The following KCNT2 variants were observed in gnomAD, a reference collection of about 807,000 sequenced individuals.
The protein encoded by KCNT2 is potassium sodium-activated channel subfamily T member 2, also known as potassium channel subfamily T member 2.
In KCNT2, 67 loss-of-function variants were observed where a neutral mutation model predicts 153.8. The ratio of observed to expected loss-of-function variants is 0.44; its 90% confidence interval spans 0.36 to 0.53. KCNT2 has a LOEUF of 0.53. Among genes scored for constraint, KCNT2 ranks in the 20% least tolerant of loss-of-function variants. KCNT2 has a pLI of 0.00. For missense variants in KCNT2, 975 were observed against 1,354.8 expected (o/e 0.72, Z 4.40); for synonymous variants, 500 against 458.8 (o/e 1.09, Z -1.15).
Position 196,436,342 on chromosome 1 carries a change from C to T in KCNT2, c.639-6585G>A, listed in dbSNP as rs573219642. Among the ~76,000 whole-genome samples, 405 of 151,512 alleles carry T rather than the reference C, an allele frequency of 2.7e-3. 3 individuals are homozygous for T. The highest frequency in any genetic ancestry group is 9.3e-3 in the African/African-American group (386 of 41,476). ...ACTATCTCTTCAAAAAGTAATTCAGCTAATTGTAGGAAGGAAGAGAAGAAA... is the reference window on the plus strand; with the variant it reads ...ACTATCTCTTCAAAAAGTAATTCAGTTAATTGTAGGAAGGAAGAGAAGAAA... On this transcript the variant is annotated intron_variant, in intron 8 of 27. Transcript: ENST00000294725.
chr1:196,599,016 A>G (rs1475517165), intron 1 of KCNT2, among the ~76,000 whole-genome samples: 1 of 152,242 alleles, frequency 6.6e-6, no homozygotes, highest in Admixed American at 6.5e-5. Flanking sequence ...GAAACAAAAT[A>G]CTGACAGCTT....
At chr1:196,306,418 C>T (rs1661638459) in intron 21 of KCNT2, among the ~76,000 whole-genome samples, 1 of 152,078 alleles carries the variant, frequency 6.6e-6, no homozygotes, top group Admixed American at 6.6e-5. Context: ...CTTCCATGTG[C>T]CCGAGTGCTT....
intron 26 of KCNT2, chr1:196,257,266 G>GT (rs1656598117): frequency 1.0e-6 from 1 of 984,906 alleles, no homozygotes; most frequent in Non-Finnish European, 1.2e-6. Flanking sequence ...TAATATGTGG[G>GT]TTTTTTCCTT....
At chr1:196,334,175 GTATA>G in intron 16 of KCNT2, 115 bp from the exon 17 acceptor site, 1 of 580,354 alleles carries the variant, frequency 1.7e-6, no homozygotes, top group Non-Finnish European at 3.0e-6. Context: ...TATAGAGAGA[GTATA>G]TATTTATGCG....
chr1:196,446,036 A>G (rs1675658306), intron 8 of KCNT2, among the ~76,000 whole-genome samples: 1 of 151,496 alleles, frequency 6.6e-6, no homozygotes, highest in African/African-American at 2.4e-5. Context: ...CTGTGTTAGC[A>G]TTAACCTAAC....
At chr1:196,416,363 A>G (rs1212002673) in intron 12 of KCNT2, among the ~76,000 whole-genome samples, 1 of 152,112 alleles carries the variant, frequency 6.6e-6, no homozygotes, top group African/African-American at 2.4e-5. Flanking sequence ...GCCAAGATCT[A>G]TAGTAAGACC....
chr1:196,381,857 T>C (rs1669521117), intron 13 of KCNT2, among the ~76,000 whole-genome samples: 1 of 152,154 alleles, frequency 6.6e-6, no homozygotes, highest in Non-Finnish European at 1.5e-5. Context: ...ATCAGTTTCA[T>C]TCCTTTTCAA....
intron 11 of KCNT2, among the ~76,000 whole-genome samples, chr1:196,424,426 T>G (rs185435100): frequency 9.9e-5 from 15 of 152,090 alleles, no homozygotes; most frequent in African/African-American, 3.1e-4. Flanking sequence ...TGATCTAGAT[T>G]ACAGTAGTAT....
intron 1 of KCNT2, among the ~76,000 whole-genome samples, chr1:196,567,000 C>T (rs903107648): frequency 6.6e-6 from 1 of 151,912 alleles, no homozygotes. Flanking sequence ...CAAATATGTA[C>T]TAAAATGCAT....
intron 14 of KCNT2, among the ~76,000 whole-genome samples, chr1:196,357,020 T>C (rs1299100439): frequency 6.6e-6 from 1 of 151,808 alleles, no homozygotes; most frequent in Non-Finnish European, 1.5e-5. Context: ...ATAGACAGAG[T>C]CTTGATTTTC....
intron 21 of KCNT2, among the ~76,000 whole-genome samples, chr1:196,310,017 T>C (rs1299406032): frequency 6.6e-6 from 1 of 151,860 alleles, no homozygotes; most frequent in East Asian, 1.9e-4. Flanking sequence ...ATTCAATAAA[T>C]ATTTTTACTA....
At chr1:196,275,417 G>A (rs1390098575) in intron 25 of KCNT2, among the ~76,000 whole-genome samples, 1 of 151,314 alleles carries the variant, frequency 6.6e-6, no homozygotes, top group Non-Finnish European at 1.5e-5. Context: ...TGCTGTGTTT[G>A]TGTGACTTCT....
chr1:196,445,008 C>A (rs1675564495), intron 8 of KCNT2, among the ~76,000 whole-genome samples: 1 of 151,242 alleles, frequency 6.6e-6, no homozygotes. Flanking sequence ...AAGTTGTGAG[C>A]CCTTTATTCT....
intron 19 of KCNT2, among the ~76,000 whole-genome samples, chr1:196,322,686 T>C (rs1663445322): frequency 6.6e-6 from 1 of 151,902 alleles, no homozygotes; most frequent in African/African-American, 2.4e-5. Context: ...TCAAGGCCAT[T>C]ATTTTGTTCC....
At position 196,412,468 on chromosome 1, in the gene KCNT2, CCTTCCTTGTATAAAATA is replaced by C. The variant is rs543300680; in HGVS notation, c.1185+10565_1185+10581del. Among the ~76,000 whole-genome samples, 1,197 of 151,716 alleles carry C rather than the reference CCTTCCTTGTATAAAATA, an allele frequency of 7.9e-3. 5 individuals carry two copies. The highest frequency in any genetic ancestry group is 0.024 in the Middle Eastern group (7 of 294). On this transcript the variant is annotated intron_variant, in intron 12 of 27. Transcript: ENST00000294725. ...AATAATGTTATACTAGGGTACTTTT[CCTTCCTTGTATAAAATA>C]CTATGTGCAATTCGGAGTGGGTTGC...
chr1:196,388,976 T>A (rs905893996), intron 13 of KCNT2, among the ~76,000 whole-genome samples: 1 of 151,826 alleles, frequency 6.6e-6, no homozygotes, highest in African/African-American at 2.4e-5. Context: ...GTACTCAGCC[T>A]ATAAGCATCA....
chr1:196,261,577 A>G (rs1657029452), intron 25 of KCNT2, among the ~76,000 whole-genome samples: 1 of 151,972 alleles, frequency 6.6e-6, no homozygotes, highest in Admixed American at 6.6e-5. Context: ...GGGGATGAAA[A>G]AGAGAGGGAA....
At position 196,342,190 on chromosome 1, in the gene KCNT2, T is replaced by G; in HGVS notation, c.1442A>C (p.Tyr481Ser). 6.2e-7 allele frequency: 1 copy of G among 1,611,660 alleles called. No individual in the cohort carries two copies. The highest frequency in any genetic ancestry group is 1.1e-5 in the South Asian group (1 of 90,588). The change falls in exon 15 of 28, where the codon TAC becomes TCC. Residue 481 changes from tyrosine to serine, a missense_variant. Physicochemically the swap from Tyr to Ser is moderately radical, Grantham distance 144 (BLOSUM62 -2). Around this residue, in one of 6 missense-constraint regions of KCNT2, gnomAD observed 325 missense variants for 388.1 expected, o/e 0.84. Transcript: ENST00000294725. ...GACTTCATTCCCGGAGCATCTACCG[T>G]ACATCTTCTGCCATTGTTCTGGCGA... ...QQSPEQWQKM[Y>S]GRCSGNEVYH...
chr1:196,278,595 C>A lies in KCNT2; in HGVS notation c.2910+2265G>T, dbSNP rs1180631546. Among the ~76,000 whole-genome samples the A allele has an allele frequency of 4.6e-5, 7 of 152,024 alleles. No homozygotes were observed. In the East Asian group the frequency reaches 9.6e-4, roughly 21 times the overall value. On this transcript the variant is annotated intron_variant, in intron 25 of 27. Coordinates refer to ENST00000294725, the MANE Select transcript of KCNT2 (RefSeq NM_198503.5). ...GATGACAATTCAAATACTCAGTATC[C>A]TTTTCCTATCTGCAATGTCAACAGC...
Sources: allele counts gnomAD v4.1 joint callset (sites outside exome capture counted in the v4.1 genomes callset), GRCh38; gene constraint gnomAD v4.1.1; regional missense constraint gnomAD v4.1.1; transcripts MANE v1.5; gene names NCBI Gene and HGNC (gene_info 2026-07-23, HGNC 2026-07-21).